Variants in YTHDC1 observed in about 807,000 individuals in gnomAD.
YTHDC1 encodes YTH domain-containing protein 1.
Under a neutral mutation model 107.0 loss-of-function variants are expected in YTHDC1, and 12 were observed. The ratio of observed to expected loss-of-function variants is 0.11; its 90% CI spans 0.07 to 0.18. YTHDC1 has a LOEUF of 0.18. YTHDC1 is among the 10% of genes least tolerant of loss of function. YTHDC1 has a pLI of 1.00. For missense variants in YTHDC1, 635 were observed against 898.8 expected (o/e 0.71, Z 3.75); for synonymous variants, 280 against 289.5 (o/e 0.97, Z 0.33).
intron 1 of YTHDC1, among the ~76,000 whole-genome samples, chr4:68,342,353 C>A (rs1379828618): frequency 6.6e-6 from 1 of 152,130 alleles, no homozygotes; most frequent in Non-Finnish European, 1.5e-5. Flanking sequence ...ATGGCAACCA[C>A]CGAGTAGGCA....
chr4:68,320,856 A>G (rs1722376500), intron 11 of YTHDC1, among the ~76,000 whole-genome samples: 1 of 152,062 alleles, frequency 6.6e-6, no homozygotes, highest in Non-Finnish European at 1.5e-5. Flanking sequence ...TTCTACATCT[A>G]ATGACATTTA....
In YTHDC1 at chr4:68,337,879, C is replaced by G; in HGVS notation, c.152G>C (p.Arg51Pro). Residue 51 changes from arginine to proline, a missense_variant, in exon 3 of 17, where the codon CGA becomes CCA. Arg to Pro is a moderately radical substitution (Grantham distance 103). Around this residue, in one of 5 missense-constraint regions of YTHDC1, gnomAD observed 294 missense variants for 312.3 expected, o/e 0.94. Coordinates refer to ENST00000344157, the MANE Select transcript of YTHDC1 (RefSeq NM_001031732.4). The part of the protein sequence containing the change: ...EKKGSKRKSD[R>P]MESTDTKRQK... ...TCGTTTGGTATCAGTAGATTCCATT[C>G]GATCACTTTTTCTTTTTGATCCTTT... is the stretch of plus-strand genomic sequence containing the variant. The G allele has an allele frequency of 6.2e-7, 1 of 1,611,286 alleles. No homozygotes were observed. The highest frequency in any genetic ancestry group is 8.5e-7 in the Non-Finnish European group (1 of 1,179,706).
chr4:68,326,960 G>A (rs375336127), intron 9 of YTHDC1, among the ~76,000 whole-genome samples: 2 of 151,758 alleles, frequency 1.3e-5, no homozygotes, highest in African/African-American at 2.4e-5. Context: ...GAGGCCGGGC[G>A]CAGTGGCTCA....
intron 4 of YTHDC1, 76 bp from the exon 5 acceptor site, chr4:68,333,473 T>C: frequency 9.4e-7 from 1 of 1,066,356 alleles, no homozygotes; most frequent in Non-Finnish European, 1.4e-6. Context: ...AATGTATCAT[T>C]ACATGTCTAG....
chr4:68,325,750 A>G (rs1223843060), intron 9 of YTHDC1, among the ~76,000 whole-genome samples: 1 of 152,152 alleles, frequency 6.6e-6, no homozygotes, highest in Non-Finnish European at 1.5e-5. Flanking sequence ...CCAGGGAAAT[A>G]GAAGTATTTT....
intron 1 of YTHDC1, among the ~76,000 whole-genome samples, chr4:68,346,403 T>C (rs920404817): frequency 3.3e-5 from 5 of 152,248 alleles, no homozygotes; most frequent in East Asian, 3.9e-4. Flanking sequence ...ACTGTGTGTA[T>C]ATATACAGTA....
intron 1 of YTHDC1, among the ~76,000 whole-genome samples, chr4:68,347,132 C>G (rs183613740): frequency 4.1e-4 from 63 of 152,270 alleles, no homozygotes; most frequent in African/African-American, 1.3e-3. Context: ...GACAGATGTA[C>G]TCCGGGCACT....
chr4:68,331,984 T>C (rs145295219), intron 7 of YTHDC1, 119 bp downstream of exon 7: 245 of 537,492 alleles, frequency 4.6e-4, no homozygotes, highest in African/African-American at 4.3e-3. Flanking sequence ...CATTGGAATG[T>C]AGATCTTTAA....
intron 16 of YTHDC1, among the ~76,000 whole-genome samples, chr4:68,314,920 G>T (rs976080038): frequency 3.9e-5 from 6 of 151,996 alleles, no homozygotes. Flanking sequence ...ACTGATTTTG[G>T]TCTTCTCTCA....
intron 7 of YTHDC1, among the ~76,000 whole-genome samples, chr4:68,330,945 T>C (rs920919681): frequency 1.4e-4 from 22 of 152,282 alleles, no homozygotes; most frequent in Middle Eastern, 6.8e-3. Context: ...GCTCACACCA[T>C]CTGCTCATAC....
intron 10 of YTHDC1, among the ~76,000 whole-genome samples, chr4:68,323,640 C>G (rs1228275588): frequency 1.3e-5 from 2 of 152,110 alleles, no homozygotes; most frequent in Non-Finnish European, 2.9e-5. Context: ...TAAAACAAAA[C>G]TTCTGGTTCA....
chr4:68,332,031 T>A, intron 7 of YTHDC1, 72 bp downstream of exon 7: 1 of 921,008 alleles, frequency 1.1e-6, no homozygotes, highest in Non-Finnish European at 1.6e-6. Context: ...TGCTACTTGA[T>A]ATAATACAAG....
chr4:68,342,125 A>C (rs1724872017), intron 1 of YTHDC1, among the ~76,000 whole-genome samples: 1 of 152,200 alleles, frequency 6.6e-6, no homozygotes, highest in Non-Finnish European at 1.5e-5. Flanking sequence ...TAAGATGATC[A>C]CCCTAAAACT....
chr4:68,324,989 C>T (rs1384005718), intron 9 of YTHDC1, among the ~76,000 whole-genome samples: 3 of 111,114 alleles, frequency 2.7e-5, no homozygotes, highest in African/African-American at 9.1e-5. Context: ...AAAGATGACA[C>T]ATAACCAACA....
Position 68,337,548 on chromosome 4 carries a change from TA to T in YTHDC1, c.459+23del, listed in dbSNP as rs766281203. ...CCTCAAAAAGAATGGCTTTCTGTTT[TA>T]TATCTGCAATAATATTTACTACCTC... On this transcript the variant is annotated intron_variant, in intron 3 of 16. Coordinates refer to ENST00000344157, the MANE Select transcript of YTHDC1 (RefSeq NM_001031732.4). 20 of 1,586,326 alleles carry T rather than the reference TA, an allele frequency of 1.3e-5. No individual in the cohort carries two copies. In the African/African-American group the frequency reaches 2.5e-4, roughly 20 times the overall value.
intron 1 of YTHDC1, among the ~76,000 whole-genome samples, chr4:68,343,051 G>A (rs1448988883): frequency 2.0e-5 from 3 of 152,054 alleles, no homozygotes; most frequent in Non-Finnish European, 4.4e-5. Context: ...AGTAAACAAA[G>A]ATTAGAAATG....
chr4:68,337,322 G>A lies in YTHDC1; in HGVS notation c.588C>T (p.Asn196=), dbSNP rs769057735. The change falls in exon 4 of 17, where the codon AAC becomes AAT. Residue 196 remains asparagine, a synonymous_variant. Transcript: ENST00000344157. ...GSSGSSDEQG[N]NTENEEEGVE... ...CTCCTTCCTCCTCATTCTCAGTGTT[G>A]TTCCCTTGCTCATCAGAAGAACCAC... 8.7e-6 allele frequency: 14 copies of A among 1,613,418 alleles called. 1 individual carries two copies. In the South Asian group the frequency reaches 1.5e-4, roughly 18 times the overall value.
intron 16 of YTHDC1, among the ~76,000 whole-genome samples, chr4:68,315,298 A>C (rs1451576685): frequency 6.6e-6 from 1 of 152,218 alleles, no homozygotes; most frequent in African/African-American, 2.4e-5. Context: ...AGTCATGATA[A>C]GATTTGATTT....
In YTHDC1 at chr4:68,337,317, G is replaced by A; in HGVS notation, c.593C>T (p.Thr198Ile). ...TTCCACTCCTTCCTCCTCATTCTCA[G>A]TGTTGTTCCCTTGCTCATCAGAAGA... Reference protein sequence around the residue: ...SGSSDEQGNNTENEEEGVEED... With the variant: ...SGSSDEQGNNIENEEEGVEED... Residue 198 changes from threonine (T) to isoleucine (I), a missense_variant, in exon 4 of 17, where the codon ACT becomes ATT. Physicochemically the swap from Thr to Ile is moderately conservative, Grantham distance 89. This residue lies in a region of YTHDC1 where 294 missense variants were observed against 312.3 expected (regional missense o/e 0.94). Coordinates refer to ENST00000344157, the MANE Select transcript of YTHDC1 (RefSeq NM_001031732.4). The A allele has an allele frequency of 6.2e-7, 1 of 1,613,090 alleles. No individual in the cohort carries two copies. Among genetic ancestry groups the A allele is most frequent in the Non-Finnish European group, 8.5e-7 (1 of 1,179,874 alleles).
Sources: gnomAD v4.1 joint callset for allele counts (sites outside exome capture counted in the v4.1 genomes callset) on GRCh38, gnomAD v4.1.1 for gene constraint, gnomAD v4.1.1 regional missense constraint, MANE v1.5 for transcripts, NCBI Gene and HGNC (gene_info 2026-07-23, HGNC 2026-07-21) for gene names.